Variants in EFR3B observed in about 807,000 individuals in gnomAD.
EFR3B encodes protein EFR3 homolog B.
In EFR3B, 64 loss-of-function variants were observed where a neutral mutation model predicts 104.7. The ratio of observed to expected loss-of-function variants is 0.61; its 90% CI spans 0.50 to 0.75. The LOEUF (loss-of-function observed/expected upper bound fraction) is 0.75. Ranked by LOEUF, EFR3B falls within the 30% of genes least tolerant of loss-of-function variation. EFR3B has a pLI of 0.00. For synonymous variants in EFR3B, 385 were observed against 417.9 expected (o/e 0.92, Z 0.96); for missense variants, 750 against 1,078.5 (o/e 0.70, Z 4.27).
At chr2:25,102,160 A>C (rs566999520) in intron 3 of EFR3B, among the ~76,000 whole-genome samples, 14 of 152,222 alleles carry the variant, frequency 9.2e-5, no homozygotes, top group African/African-American at 3.1e-4. Context: ...AGTTTGGGAG[A>C]GCTTGGGTAT....
At chr2:25,091,697 T>C (rs896721624) in intron 2 of EFR3B, among the ~76,000 whole-genome samples, 15 of 152,244 alleles carry the variant, frequency 9.9e-5, no homozygotes, top group Non-Finnish European at 1.8e-4. Context: ...CCTGCATGTC[T>C]CTCTGTGTGA....
chr2:25,058,627 C>T (rs776612534), intron 1 of EFR3B, among the ~76,000 whole-genome samples: 1 of 151,894 alleles, frequency 6.6e-6, no homozygotes, highest in Non-Finnish European at 1.5e-5. Flanking sequence ...GGCATGGTGG[C>T]GAGTGCCTGT....
chr2:25,075,353 T>C (rs1573183546), intron 1 of EFR3B, among the ~76,000 whole-genome samples: 1 of 152,314 alleles, frequency 6.6e-6, no homozygotes, highest in East Asian at 1.9e-4. Context: ...ACTAACCTCA[T>C]GGGATTTTAT....
At chr2:25,047,641 G>A (rs1245060013) in intron 1 of EFR3B, among the ~76,000 whole-genome samples, 1 of 152,060 alleles carries the variant, frequency 6.6e-6, no homozygotes, top group Non-Finnish European at 1.5e-5. Flanking sequence ...TGGGATTACA[G>A]GCGTGTGCCA....
Position 25,078,767 on chromosome 2 carries a change from A to G in EFR3B, c.8-12558A>G, listed in dbSNP as rs1668703854. ...AAGGATGCACAGAAGTCGAGCTGGC[A>G]GAGAGTACGCTGTGCCTGTGGTCGG... is the stretch of plus-strand genomic sequence containing the variant. On this transcript the variant is annotated intron_variant, in intron 1 of 22. Transcript: ENST00000403714. Among the ~76,000 whole-genome samples the G allele has an allele frequency of 1.1e-4, 16 of 152,302 alleles. 2 individuals are homozygous for G. The South Asian group carries it at 3.3e-3, about 32-fold the overall frequency.
chr2:25,134,242 C>T (rs901255467), intron 12 of EFR3B, among the ~76,000 whole-genome samples: 6 of 149,908 alleles, frequency 4.0e-5, no homozygotes, highest in Admixed American at 1.3e-4. Context: ...TGCAGTGGTG[C>T]GATCTTGGCT....
chr2:25,080,955 T>G, intron 1 of EFR3B: 1 of 760,326 alleles, frequency 1.3e-6, no homozygotes, highest in Non-Finnish European at 2.4e-6. Flanking sequence ...CCGGAGAGCT[T>G]GTTCCTTTTT....
At chr2:25,055,606 T>A (rs903945667) in intron 1 of EFR3B, among the ~76,000 whole-genome samples, 1 of 152,198 alleles carries the variant, frequency 6.6e-6, no homozygotes, top group Non-Finnish European at 1.5e-5. Context: ...TCTTTCCATA[T>A]CCCCACTTTC....
intron 1 of EFR3B, among the ~76,000 whole-genome samples, chr2:25,053,784 G>A (rs575166705): frequency 5.3e-5 from 8 of 152,298 alleles, no homozygotes; most frequent in Non-Finnish European, 1.0e-4. Context: ...GCATGTGCCT[G>A]TAGTCCCAGC....
In EFR3B at chr2:25,083,199, A is replaced by G. The variant is rs77753591; in HGVS notation, c.8-8126A>G. 3.4e-3 allele frequency among the ~76,000 whole-genome samples: 514 copies of G among 152,316 alleles called. 6 individuals carry two copies. Among genetic ancestry groups the G allele is most frequent in the African/African-American group, 0.012 (494 of 41,566 alleles). On this transcript the variant is annotated intron_variant, in intron 1 of 22. Transcript: ENST00000403714. ...GTAAGACAGCTCCTAGTGACAGAAG[A>G]GGATCCTTCATAAATTTACCTTCAG...
At position 25,136,633 on chromosome 2, in the gene EFR3B, C is replaced by T. The variant is rs187610240; in HGVS notation, c.1560+35C>T. The T allele has an allele frequency of 3.6e-3, 5,594 of 1,536,138 alleles. 19 individuals carry two copies. Among genetic ancestry groups the T allele is most frequent in the Middle Eastern group, 6.4e-3 (37 of 5,746 alleles). On this transcript the variant is annotated intron_variant, in intron 14 of 22. Coordinates refer to ENST00000403714, the MANE Select transcript of EFR3B (RefSeq NM_014971.2). This position sits in a 1 kb window ranked among gnomAD's most constrained non-coding sequence, Gnocchi z 4.0. ...CATGACCTCCAGGCACAGTGAAGGG[C>T]GGGCACGGTGGCTCACGCCTGCAAT...
chr2:25,062,986 C>T (rs561436537), intron 1 of EFR3B, among the ~76,000 whole-genome samples: 10 of 152,068 alleles, frequency 6.6e-5, no homozygotes, highest in African/African-American at 1.4e-4. Flanking sequence ...TGTAGTGGCG[C>T]GACCTCGGCT....
rs901824397 is a variant in EFR3B at position 25,075,105 on chromosome 2, C to T, written c.8-16220C>T. 7.2e-5 allele frequency among the ~76,000 whole-genome samples: 11 copies of T among 152,280 alleles called. No individual in the cohort carries two copies. In the East Asian group the frequency reaches 1.5e-3, roughly 21 times the overall value. ...CCATCCACAGAGTCTGTTCAGATTTCGTCAGTTACACCTGATTTTCAAGAA... is the reference window on the plus strand; with the variant it reads ...CCATCCACAGAGTCTGTTCAGATTTTGTCAGTTACACCTGATTTTCAAGAA... On this transcript the variant is annotated intron_variant, in intron 1 of 22. Transcript: ENST00000403714.
chr2:25,058,515 T>A (rs1668086595), intron 1 of EFR3B, among the ~76,000 whole-genome samples: 1 of 152,086 alleles, frequency 6.6e-6, no homozygotes. Context: ...TCCCAGCACT[T>A]TGAGAGGCCG....
intron 1 of EFR3B, among the ~76,000 whole-genome samples, chr2:25,074,220 C>T (rs993456929): frequency 6.6e-6 from 1 of 152,122 alleles, no homozygotes; most frequent in Non-Finnish European, 1.5e-5. Flanking sequence ...GCCTCCATGG[C>T]CCATCAGACT....
Position 25,153,041 on chromosome 2 carries a change from G to C in EFR3B, c.2299-671G>C, listed in dbSNP as rs536527225. On this transcript the variant is annotated intron_variant, in intron 21 of 22. Transcript: ENST00000403714. ...TCTAAGCCACCAGTTTTGCACAGCT[G>C]CTCCTTGCAAGTTAGAAAAGAGCTG... 6.0e-4 allele frequency among the ~76,000 whole-genome samples: 92 copies of C among 152,232 alleles called. 1 individual carries two copies. In the South Asian group the frequency reaches 0.019, roughly 31 times the overall value.
chr2:25,139,408 T>A (rs1243523434), intron 16 of EFR3B, among the ~76,000 whole-genome samples: 2 of 152,070 alleles, frequency 1.3e-5, no homozygotes, highest in Non-Finnish European at 2.9e-5. Flanking sequence ...GGGGGGGGTC[T>A]TCTATACCTG....
At chr2:25,083,019 A>G (rs1668852745) in intron 1 of EFR3B, among the ~76,000 whole-genome samples, 1 of 152,160 alleles carries the variant, frequency 6.6e-6, no homozygotes, top group Non-Finnish European at 1.5e-5. Context: ...CACCATTCTC[A>G]TGGTTTTAAA....
chr2:25,129,440 G>A (rs1670267605), intron 6 of EFR3B, among the ~76,000 whole-genome samples: 1 of 145,484 alleles, frequency 6.9e-6, no homozygotes. Context: ...AGCTGCTGTG[G>A]TCTCTGGGCT....
Sources: gnomAD v4.1 joint callset for allele counts (sites outside exome capture counted in the v4.1 genomes callset) on GRCh38, gnomAD v4.1.1 for gene constraint, Gnocchi (gnomAD v3.1) non-coding constraint, MANE v1.5 for transcripts, NCBI Gene and HGNC (gene_info 2026-07-23, HGNC 2026-07-21) for gene names.